Variants in EXD3 observed in about 807,000 individuals in gnomAD.
The protein encoded by EXD3 is exonuclease mut-7 homolog.
A neutral mutation model predicts 98.0 loss-of-function variants in EXD3; 92 were observed. The ratio of observed to expected loss-of-function variants is 0.94; its 90% confidence interval spans 0.79 to 1.12. The LOEUF (loss-of-function observed/expected upper bound fraction) is 1.12, where lower values mean the gene tolerates loss of function less well. Among genes scored for constraint, EXD3 ranks in the 50% most tolerant of loss-of-function variants. The pLI is 0.00. For synonymous variants in EXD3, 569 were observed against 526.0 expected, an observed-to-expected ratio of 1.08 and a Z score of -1.12; for missense variants, 1,222 against 1,191.6, an observed-to-expected ratio of 1.03 and a Z score of -0.38.
chr9:137,409,973 G>A (rs1335042418), intron 1 of EXD3, among the ~76,000 whole-genome samples: 3 of 152,100 alleles, frequency 2.0e-5, no homozygotes, highest in Admixed American at 1.3e-4. Flanking sequence ...TCAGTAGTTC[G>A]AGACCAGCCT....
intron 1 of EXD3, among the ~76,000 whole-genome samples, chr9:137,404,803 T>C (rs748987660): frequency 9.9e-5 from 15 of 151,618 alleles, no homozygotes; most frequent in Non-Finnish European, 2.2e-4. Context: ...GAGGTTGCAG[T>C]GAGCCAAGGT....
chr9:137,404,070 G>T (rs1322196490), intron 1 of EXD3, among the ~76,000 whole-genome samples: 1 of 152,088 alleles, frequency 6.6e-6, no homozygotes, highest in South Asian at 2.1e-4. Flanking sequence ...CTCCTCCCTG[G>T]GTCCTCACGG....
intron 3 of EXD3, among the ~76,000 whole-genome samples, chr9:137,381,921 C>T (rs1198382178): frequency 6.6e-6 from 1 of 151,818 alleles, no homozygotes; most frequent in Non-Finnish European, 1.5e-5. Context: ...GTGATGGAGG[C>T]GCGAGGAGGA....
intron 19 of EXD3, among the ~76,000 whole-genome samples, chr9:137,311,489 A>C (rs113443625): frequency 1.5e-4 from 23 of 151,852 alleles, no homozygotes; most frequent in Middle Eastern, 3.4e-3. Context: ...ACCCCCAAAT[A>C]CTCCACATGG....
rs549326682 is a variant in EXD3 at position 137,416,776 on chromosome 9, C to T, written c.-48+6338G>A. Reference sequence around the variant, plus strand: ...GGATCAACACCAAGGGTCGGTAGGCCGTCCCGCAGCCTAGCCTGGGGCTGT... The same window carrying T: ...GGATCAACACCAAGGGTCGGTAGGCTGTCCCGCAGCCTAGCCTGGGGCTGT... On this transcript the variant is annotated intron_variant, in intron 1 of 21. Transcript: ENST00000340951. Among the ~76,000 whole-genome samples the T allele has an allele frequency of 3.9e-5, 6 of 152,128 alleles. No individual in the cohort carries two copies. The South Asian group carries it at 1.2e-3, about 32-fold the overall frequency.
chr9:137,313,130 G>T (rs1016180873), intron 19 of EXD3, among the ~76,000 whole-genome samples: 3 of 152,164 alleles, frequency 2.0e-5, no homozygotes, highest in African/African-American at 7.2e-5. Context: ...CTTGGGTCTC[G>T]ACAAGTCGGA....
intron 7 of EXD3, among the ~76,000 whole-genome samples, chr9:137,356,765 G>A (rs913010356): frequency 7.2e-5 from 11 of 152,212 alleles, no homozygotes; most frequent in African/African-American, 2.4e-4. Flanking sequence ...TGCTTTCAGG[G>A]TTAATGCTTA....
intron 8 of EXD3, among the ~76,000 whole-genome samples, chr9:137,355,671 GGGAGGATGGAGGAAGGAGAAAGGGAGGAA>G (rs748455777): frequency 0.2 from 3,654 of 17,828 alleles, 9 homozygotes; most frequent in East Asian, 0.43. Context: ...GAAGGAGAAA[GGGAGGATGGAGGAAGGAGAAAGGGAGGAA>G]GGAGGAAGGA....
Position 137,323,869 on chromosome 9 carries a change from G to A in EXD3, c.2053-13C>T, listed in dbSNP as rs764358200. On this transcript the variant is annotated splice_polypyrimidine_tract_variant and intron_variant, in intron 18 of 21. Coordinates refer to ENST00000340951, the MANE Select transcript of EXD3 (RefSeq NM_017820.5). ...CCTGGGCCCGGAGCTGCAAAGACAC[G>A]GCTCGGCTACTGAGGGGCAGTGCAG... 2.5e-6 allele frequency: 4 copies of A among 1,604,116 alleles called. No homozygotes were observed. The highest frequency in any genetic ancestry group is 1.1e-5 in the South Asian group (1 of 90,260).
At chr9:137,396,978 G>T (rs111507106) in intron 1 of EXD3, among the ~76,000 whole-genome samples, 1 of 152,224 alleles carries the variant, frequency 6.6e-6, no homozygotes, top group East Asian at 1.9e-4. Flanking sequence ...ATGCCGAGGG[G>T]GCCACTGGGG....
At position 137,405,707 on chromosome 9, in the gene EXD3, T is replaced by A. The variant is rs574152344; in HGVS notation, c.-47-10303A>T. ...CACATTTGATTTTCTTACATCACAT[T>A]GAAGTAGATCAAGTTCCTGATAAAT... On this transcript the variant is annotated intron_variant, in intron 1 of 21. Coordinates refer to ENST00000340951, the MANE Select transcript of EXD3 (RefSeq NM_017820.5). The surrounding 1 kb of genome is among the most constrained non-coding windows in gnomAD (Gnocchi z 4.1). Among the ~76,000 whole-genome samples the A allele has an allele frequency of 2.0e-5, 3 of 152,314 alleles. No individual in the cohort carries two copies. The highest frequency in any genetic ancestry group is 7.2e-5 in the African/African-American group (3 of 41,548).
Position 137,307,187 on chromosome 9 carries a change from C to G in EXD3, c.2394G>C (p.Arg798=). Residue 798 remains arginine (R), a synonymous_variant, in exon 22 of 22, where the codon CGG becomes CGC. Transcript: ENST00000340951. ...CGGCCAGCATGTCCGGTGTCTCCGC[C>G]CGCAGGTCAGCCATCTGCAGCCAGC... The part of the protein sequence containing the change: ...PCRWLQMADL[R]AETPDMLADG... 6.3e-7 allele frequency: 1 copy of G among 1,585,442 alleles called. No individual in the cohort carries two copies.
At chr9:137,373,309 C>A in intron 4 of EXD3, 117 bp downstream of exon 4, 2 of 1,301,958 alleles carry the variant, frequency 1.5e-6, no homozygotes, top group Middle Eastern at 2.6e-4. Flanking sequence ...GCATCCCCCT[C>A]CCCTTCCCTG....
chr9:137,328,535 C>A (rs140376812), intron 17 of EXD3, among the ~76,000 whole-genome samples: 1 of 150,942 alleles, frequency 6.6e-6, no homozygotes, highest in Admixed American at 6.6e-5. Flanking sequence ...CGGGAAAAAA[C>A]CAAAGGAAAC....
chr9:137,349,667 G>T lies in EXD3; in HGVS notation c.1495-136C>A. On this transcript the variant is annotated intron_variant, in intron 14 of 21. Coordinates refer to ENST00000340951, the MANE Select transcript of EXD3 (RefSeq NM_017820.5). This position sits in a 1 kb window ranked among gnomAD's most constrained non-coding sequence, Gnocchi z 7.4. ...CACCAGCGGCCCCCACAGCAGAGAC[G>T]GGGAGAAGGAGCGGACACATCCGAG... is the stretch of plus-strand genomic sequence containing the variant. The T allele has an allele frequency of 1.0e-6, 1 of 961,288 alleles. No individual in the cohort carries two copies. The highest frequency in any genetic ancestry group is 1.5e-6 in the Non-Finnish European group (1 of 684,774). The allele number at this position is 961,288 out of a possible 1,614,324, so 59.5% of individuals were successfully genotyped here.
intron 3 of EXD3, 78 bp from the exon 4 acceptor site, chr9:137,373,677 GTTT>G (rs34481427): frequency 0.27 from 378,395 of 1,422,050 alleles, 52,080 homozygotes; most frequent in Non-Finnish European, 0.28. Context: ...CCGCAGAGAG[GTTT>G]TTTAAAATTT....
chr9:137,378,463 A>G (rs902535505), intron 3 of EXD3, among the ~76,000 whole-genome samples: 3 of 152,102 alleles, frequency 2.0e-5, no homozygotes, highest in African/African-American at 7.2e-5. Flanking sequence ...CTATCACCTC[A>G]GCCTCCTAAA....
chr9:137,323,017 A>G (rs376255091), intron 19 of EXD3, among the ~76,000 whole-genome samples: 1 of 4,016 alleles, frequency 2.5e-4, no homozygotes, highest in African/African-American at 1.8e-3. Context: ...CCCACCCCGG[A>G]CCCACGAGGG....
At chr9:137,419,230 T>C (rs1048162596) in intron 1 of EXD3, among the ~76,000 whole-genome samples, 1 of 152,252 alleles carries the variant, frequency 6.6e-6, no homozygotes, top group African/African-American at 2.4e-5. Flanking sequence ...TCTTGGTATA[T>C]GTTATCAGTC....
Sources: gnomAD v4.1 joint callset for allele counts (sites outside exome capture counted in the v4.1 genomes callset) on GRCh38, gnomAD v4.1.1 for gene constraint, Gnocchi (gnomAD v3.1) non-coding constraint, MANE v1.5 for transcripts, NCBI Gene and HGNC (gene_info 2026-07-23, HGNC 2026-07-21) for gene names.